CNTN1: variants seen among roughly 807,000 people sequenced by gnomAD.
CNTN1 encodes the protein contactin-1.
Under a neutral mutation model 126.4 loss-of-function variants are expected in CNTN1, and 38 were observed. The ratio of observed to expected loss-of-function variants is 0.30; its 90% CI spans 0.23 to 0.39. The LOEUF (loss-of-function observed/expected upper bound fraction) is 0.39, where lower values mean the gene tolerates loss of function less well. CNTN1 is among the 10% of genes least tolerant of loss of function. The probability of loss-of-function intolerance (pLI) is 1.00; values close to 1 mark genes in which losing one functional copy is unlikely to be tolerated. For missense variants in CNTN1, 1,009 were observed against 1,248.4 expected (o/e 0.81, Z 2.89); for synonymous variants, 413 against 422.6 (o/e 0.98, Z 0.28).
intron 1 of CNTN1, among the ~76,000 whole-genome samples, chr12:40,843,998 T>G (rs1942390132): frequency 6.6e-6 from 1 of 151,508 alleles, no homozygotes; most frequent in Non-Finnish European, 1.5e-5. Context: ...TTTGCAGGAG[T>G]GCGTGAATGC....
intron 1 of CNTN1, among the ~76,000 whole-genome samples, chr12:40,892,584 CGG>C (rs1213206180): frequency 3.3e-4 from 50 of 151,966 alleles, no homozygotes; most frequent in African/African-American, 1.2e-3. Flanking sequence ...ACTGGCATAT[CGG>C]AAATAGTACC....
chr12:40,802,154 A>G (rs1375505553), intron 1 of CNTN1, among the ~76,000 whole-genome samples: 1 of 152,028 alleles, frequency 6.6e-6, no homozygotes, highest in African/African-American at 2.4e-5. Context: ...CCAAGTAGAA[A>G]TATTAAGTGG....
At chr12:40,799,048 A>G (rs1487268497) in intron 1 of CNTN1, among the ~76,000 whole-genome samples, 1 of 151,848 alleles carries the variant, frequency 6.6e-6, no homozygotes, top group East Asian at 1.9e-4. Flanking sequence ...CTCTTAGGTT[A>G]TCGGATCATT....
intron 23 of CNTN1, among the ~76,000 whole-genome samples, chr12:41,060,285 G>A (rs1338213207): frequency 2.0e-5 from 3 of 152,146 alleles, no homozygotes; most frequent in Non-Finnish European, 4.4e-5. Flanking sequence ...ACAGGGCCAT[G>A]TATCTGTTGA....
Position 40,933,904 on chromosome 12 carries a change from T to C in CNTN1, c.985+26T>C, listed in dbSNP as rs774755431. On this transcript the variant is annotated intron_variant, in intron 9 of 23. Transcript: ENST00000551295. ...GTAGATACATTATTTTAATTTTGTA[T>C]AAATTTCATCAGTATCTTATTTAGA... 4 of 1,572,672 alleles carry C rather than the reference T, an allele frequency of 2.5e-6. No individual in the cohort carries two copies. In the East Asian group the frequency reaches 6.8e-5, roughly 27 times the overall value.
intron 23 of CNTN1, among the ~76,000 whole-genome samples, chr12:41,041,387 G>T (rs902995496): frequency 2.6e-5 from 4 of 152,092 alleles, no homozygotes; most frequent in African/African-American, 4.8e-5. Context: ...TTTTTTGGTT[G>T]TGTCTCTGCC....
At chr12:40,709,511 A>T (rs544656103) in intron 1 of CNTN1, among the ~76,000 whole-genome samples, 2 of 152,334 alleles carry the variant, frequency 1.3e-5, no homozygotes, top group East Asian at 3.9e-4. Context: ...CCTGTCTTGA[A>T]ATTTTGAACC....
chr12:40,985,196 T>A (rs1273208790), intron 16 of CNTN1, among the ~76,000 whole-genome samples: 1 of 152,132 alleles, frequency 6.6e-6, no homozygotes, highest in Non-Finnish European at 1.5e-5. Context: ...CTTTTCTTTT[T>A]CACTGCTTTG....
chr12:41,062,239 C>T (rs1949951111), intron 23 of CNTN1, among the ~76,000 whole-genome samples: 1 of 152,120 alleles, frequency 6.6e-6, no homozygotes, highest in Non-Finnish European at 1.5e-5. Context: ...CCCCAAGAAA[C>T]TGGTTTGAAG....
chr12:40,842,737 T>G (rs757338042), intron 1 of CNTN1, among the ~76,000 whole-genome samples: 10 of 152,016 alleles, frequency 6.6e-5, no homozygotes, highest in Non-Finnish European at 1.0e-4. Flanking sequence ...GCCTTGAACA[T>G]AGTAGATGTT....
At chr12:40,989,076 C>T (rs1254280576) in intron 16 of CNTN1, among the ~76,000 whole-genome samples, 2 of 152,164 alleles carry the variant, frequency 1.3e-5, no homozygotes, top group Admixed American at 6.5e-5. Context: ...AAAGTCTCTC[C>T]GTTCCTGTTT....
intron 18 of CNTN1, 110 bp downstream of exon 18, chr12:41,014,408 A>C: frequency 5.6e-6 from 6 of 1,068,638 alleles, no homozygotes; most frequent in Non-Finnish European, 8.5e-6. Context: ...CTACTGCACA[A>C]GCAAGAATAT....
intron 1 of CNTN1, among the ~76,000 whole-genome samples, chr12:40,732,692 G>A (rs747063040): frequency 2.0e-5 from 3 of 151,980 alleles, no homozygotes; most frequent in Non-Finnish European, 4.4e-5. Context: ...TCAAAGAAAA[G>A]CACTGAAGTG....
rs574683087 is a variant in CNTN1, at chr12:40,964,620, T to C, written c.1804+5386T>C. On this transcript the variant is annotated intron_variant, in intron 15 of 23. Transcript: ENST00000551295. Reference sequence around the variant, plus strand: ...TACAGTTACAGAATGGAGAGAGATATTAGTTAGAGGTCATCTTTATTGATA... The same window carrying C: ...TACAGTTACAGAATGGAGAGAGATACTAGTTAGAGGTCATCTTTATTGATA... Among the ~76,000 whole-genome samples the C allele has an allele frequency of 1.4e-4, 22 of 151,832 alleles. No individual in the cohort carries two copies. The South Asian group carries it at 4.0e-3, about 27-fold the overall frequency.
chr12:41,057,062 T>C lies in CNTN1; in HGVS notation c.2981-12897T>C, dbSNP rs1199965398. 3.7e-4 allele frequency among the ~76,000 whole-genome samples: 46 copies of C among 123,308 alleles called. 2 individuals carry two copies. The South Asian group carries it at 7.1e-3, about 19-fold the overall frequency. The allele number at this position is 123,308 out of a possible 152,430, so 80.9% of individuals were successfully genotyped here. On this transcript the variant is annotated intron_variant, in intron 23 of 23. Transcript: ENST00000551295. Reference sequence around the variant, plus strand: ...TAAATATTTAGATATTTATAAATATTATAAATATTTAGATATTTATAAATA... The same window carrying C: ...TAAATATTTAGATATTTATAAATATCATAAATATTTAGATATTTATAAATA...
chr12:41,021,353 C>T (rs76650577), intron 20 of CNTN1, among the ~76,000 whole-genome samples: 1 of 151,266 alleles, frequency 6.6e-6, no homozygotes, highest in African/African-American at 2.4e-5. Context: ...CCACCCCACT[C>T]CCCCAGCCAG....
At chr12:41,040,582 T>A (rs1949379007) in intron 23 of CNTN1, among the ~76,000 whole-genome samples, 1 of 152,160 alleles carries the variant, frequency 6.6e-6, no homozygotes, top group African/African-American at 2.4e-5. Flanking sequence ...TATCCTCTTT[T>A]ATTTCATTGA....
chr12:40,698,228 ATTT>A (rs35570862), intron 1 of CNTN1, among the ~76,000 whole-genome samples: 1,385 of 69,828 alleles, frequency 0.02, 10 homozygotes, highest in Middle Eastern at 0.052. Context: ...CAGCCACTTA[ATTT>A]TTTTTTTTTT....
intron 1 of CNTN1, among the ~76,000 whole-genome samples, chr12:40,865,331 C>T (rs999414111): frequency 6.6e-6 from 1 of 151,942 alleles, no homozygotes; most frequent in Admixed American, 6.6e-5. Context: ...TACTTTGATG[C>T]CCAAAAGTTT....
Sources: gnomAD v4.1 joint callset for allele counts (sites outside exome capture counted in the v4.1 genomes callset) on GRCh38, gnomAD v4.1.1 for gene constraint, MANE v1.5 for transcripts, NCBI Gene and HGNC (gene_info 2026-07-23, HGNC 2026-07-21) for gene names.